Variants in GADL1 observed in about 807,000 individuals in gnomAD.
The protein encoded by GADL1 is acidic amino acid decarboxylase GADL1.
Under a neutral mutation model 69.5 loss-of-function variants are expected in GADL1, and 71 were observed. The ratio of observed to expected loss-of-function variants is 1.02; its 90% CI spans 0.84 to 1.25. GADL1 has a LOEUF of 1.25. Ranked by LOEUF, GADL1 falls within the 50% of genes most tolerant of loss-of-function variation. The pLI is 0.00. For synonymous variants in GADL1, 254 were observed against 214.4 expected (o/e 1.18, Z -1.62); for missense variants, 737 against 631.8 (o/e 1.17, Z -1.79).
At chr3:30,736,276 C>A (rs776306439) in intron 14 of GADL1, among the ~76,000 whole-genome samples, 2 of 152,100 alleles carry the variant, frequency 1.3e-5, no homozygotes, top group Non-Finnish European at 2.9e-5. Flanking sequence ...CACAGACCAA[C>A]AGACTAGCTT....
chr3:30,869,423 C>T (rs73065035), intron 1 of GADL1, among the ~76,000 whole-genome samples: 24,259 of 151,628 alleles, frequency 0.16, 2,473 homozygotes, highest in East Asian at 0.37. Flanking sequence ...AACACAAAGC[C>T]GTGAGAACAG....
chr3:30,744,211 G>A (rs1034131596), intron 14 of GADL1, among the ~76,000 whole-genome samples: 10 of 152,148 alleles, frequency 6.6e-5, no homozygotes. Flanking sequence ...TTGTTTGTTT[G>A]TAAGTTATAG....
At chr3:30,819,580 G>C (rs538748505) in intron 11 of GADL1, among the ~76,000 whole-genome samples, 1 of 152,056 alleles carries the variant, frequency 6.6e-6, no homozygotes, top group Non-Finnish European at 1.5e-5. Flanking sequence ...TGGAACTTAA[G>C]GAGCTGAGCC....
chr3:30,750,745 G>C (rs1437963468), intron 14 of GADL1, among the ~76,000 whole-genome samples: 1 of 151,844 alleles, frequency 6.6e-6, no homozygotes, highest in Non-Finnish European at 1.5e-5. Flanking sequence ...AATTTGTCCT[G>C]CGGCTTCATA....
intron 14 of GADL1, among the ~76,000 whole-genome samples, chr3:30,737,103 T>C (rs1695550948): frequency 6.6e-6 from 1 of 152,108 alleles, no homozygotes; most frequent in South Asian, 2.1e-4. Context: ...ATCACCTAGA[T>C]TCAGGCCCCA....
intron 14 of GADL1, among the ~76,000 whole-genome samples, chr3:30,732,436 G>A (rs1037089835): frequency 6.6e-6 from 1 of 152,086 alleles, no homozygotes; most frequent in African/African-American, 2.4e-5. Context: ...TGGATACACG[G>A]TGACTTAATG....
At chr3:30,769,514 T>C (rs1696367465) in intron 14 of GADL1, among the ~76,000 whole-genome samples, 1 of 151,890 alleles carries the variant, frequency 6.6e-6, no homozygotes, top group Admixed American at 6.6e-5. Flanking sequence ...TTCCCCCCTG[T>C]GCCTGCCTCT....
chr3:30,800,806 G>GACACACACACACACACAC (rs35529398), intron 12 of GADL1, 83 bp downstream of exon 12: 1 of 664,200 alleles, frequency 1.5e-6, no homozygotes, highest in South Asian at 1.8e-5. Flanking sequence ...GACACAGATA[G>GACACACACACACACACAC]ACACACACAC....
chr3:30,765,910 C>T (rs890456567), intron 14 of GADL1, among the ~76,000 whole-genome samples: 6 of 151,970 alleles, frequency 3.9e-5, no homozygotes, highest in African/African-American at 9.7e-5. Flanking sequence ...CCCAACTCCC[C>T]TCCCAAATAT....
intron 11 of GADL1, among the ~76,000 whole-genome samples, chr3:30,807,121 A>C (rs952334): frequency 2.6e-5 from 4 of 152,194 alleles, no homozygotes; most frequent in Non-Finnish European, 5.9e-5. Flanking sequence ...AAAGGAACTA[A>C]TGTTAACTGG....
chr3:30,820,343 G>A (rs1013690831), intron 11 of GADL1, among the ~76,000 whole-genome samples: 2 of 151,774 alleles, frequency 1.3e-5, no homozygotes, highest in African/African-American at 4.8e-5. Context: ...TCTGTTTACC[G>A]AACATATTTT....
At chr3:30,741,886 G>A (rs1695631796) in intron 14 of GADL1, among the ~76,000 whole-genome samples, 1 of 152,092 alleles carries the variant, frequency 6.6e-6, no homozygotes, top group Admixed American at 6.6e-5. Flanking sequence ...GGCCTCCAAG[G>A]CAAGGTCAGG....
intron 4 of GADL1, among the ~76,000 whole-genome samples, chr3:30,851,500 C>G (rs926848487): frequency 6.6e-6 from 1 of 152,120 alleles, no homozygotes; most frequent in Non-Finnish European, 1.5e-5. Context: ...CAAAGCACTA[C>G]CCAAATCCCT....
At chr3:30,848,623 C>T (rs531191633) in intron 6 of GADL1, among the ~76,000 whole-genome samples, 13 of 152,076 alleles carry the variant, frequency 8.5e-5, no homozygotes, top group South Asian at 2.1e-4. Context: ...GTAGAATAGA[C>T]GGAGGCATCC....
chr3:30,855,060 C>G (rs929278522), intron 3 of GADL1, among the ~76,000 whole-genome samples: 1 of 152,046 alleles, frequency 6.6e-6, no homozygotes, highest in Non-Finnish European at 1.5e-5. Context: ...ATATCTAGAT[C>G]CAGGTGATGG....
chr3:30,787,002 C>T (rs1156543924), intron 12 of GADL1, among the ~76,000 whole-genome samples: 3 of 152,062 alleles, frequency 2.0e-5, no homozygotes, highest in East Asian at 3.9e-4. Flanking sequence ...ACAGTGAGAA[C>T]ACATGGACAC....
chr3:30,883,147 C>A (rs572704080), intron 1 of GADL1, among the ~76,000 whole-genome samples: 2 of 151,804 alleles, frequency 1.3e-5, no homozygotes, highest in African/African-American at 4.8e-5. Flanking sequence ...AAAGGTTTTA[C>A]GTGTGATGTA....
intron 9 of GADL1, among the ~76,000 whole-genome samples, chr3:30,837,367 C>G (rs1284073184): frequency 6.6e-6 from 1 of 152,008 alleles, no homozygotes; most frequent in African/African-American, 2.4e-5. Flanking sequence ...CTTTAATAAG[C>G]CAGATAGGCT....
intron 14 of GADL1, among the ~76,000 whole-genome samples, chr3:30,730,517 T>C (rs959878320): frequency 6.6e-6 from 1 of 152,114 alleles, no homozygotes; most frequent in Non-Finnish European, 1.5e-5. Flanking sequence ...AGATGATTCC[T>C]GAAGAATGTA....
Sources: allele counts gnomAD v4.1 joint callset (sites outside exome capture counted in the v4.1 genomes callset), GRCh38; gene constraint gnomAD v4.1.1; transcripts MANE v1.5; gene names NCBI Gene and HGNC (gene_info 2026-07-23, HGNC 2026-07-21).